HAO1: variants seen among roughly 807,000 people sequenced by gnomAD.
HAO1 encodes hydroxyacid oxidase 1, also known as 2-Hydroxyacid oxidase 1.
Under a neutral mutation model 39.7 loss-of-function variants are expected in HAO1, and 34 were observed. The ratio of observed to expected loss-of-function variants is 0.86; its 90% CI spans 0.65 to 1.14. HAO1 has a LOEUF of 1.14. Ranked by LOEUF, HAO1 falls within the 50% of genes most tolerant of loss-of-function variation. HAO1 has a pLI of 0.00. For synonymous variants in HAO1, 172 were observed against 173.2 expected (o/e 0.99, Z 0.05); for missense variants, 479 against 464.5 (o/e 1.03, Z -0.29).
intron 2 of HAO1, among the ~76,000 whole-genome samples, chr20:7,917,119 C>A (rs1568516660): frequency 6.6e-6 from 1 of 152,020 alleles, no homozygotes; most frequent in Non-Finnish European, 1.5e-5. Context: ...GTAGGCAGAT[C>A]CCTTGAGGTC....
chr20:7,922,265 T>C (rs181211910), intron 2 of HAO1, among the ~76,000 whole-genome samples: 1 of 152,218 alleles, frequency 6.6e-6, no homozygotes, highest in African/African-American at 2.4e-5. Context: ...CTCCAACTGT[T>C]AGAATGGTTA....
chr20:7,906,926 C>T (rs992238709), intron 3 of HAO1, among the ~76,000 whole-genome samples: 1 of 152,218 alleles, frequency 6.6e-6, no homozygotes, highest in Non-Finnish European at 1.5e-5. Context: ...TCTCTTTGCT[C>T]AGATCTCAGT....
chr20:7,895,084 A>G, intron 5 of HAO1, 49 bp downstream of exon 5: 1 of 1,124,686 alleles, frequency 8.9e-7, no homozygotes, highest in Non-Finnish European at 1.4e-6. Context: ...TAACACAGTG[A>G]TGGAAATGGG....
In HAO1 at chr20:7,940,342, G is replaced by T. The variant is rs2050435277; in HGVS notation, c.81C>A (p.Tyr27Ter). Residue 27 changes from tyrosine (Y) to a stop codon, truncating the protein, a stop_gained, in exon 1 of 8, where the codon TAC becomes TAA. Coordinates refer to ENST00000378789, the MANE Select transcript of HAO1 (RefSeq NM_017545.3). LOFTEE classifies it high-confidence loss of function. ...TTTCTTCATCATTTGCCCCAGACCT[G>T]TAATAGTCATATATAGACTTTGGAA... Reference protein sequence around the residue: ...SVLPKSIYDYYRSGANDEETL... With the variant: ...SVLPKSIYDY 1 of 1,610,980 alleles carries T rather than the reference G, an allele frequency of 6.2e-7. No homozygotes were observed. The highest frequency in any genetic ancestry group is 1.3e-5 in the African/African-American group (1 of 74,742).
In HAO1 at chr20:7,934,229, A is replaced by G. The variant is rs536383337; in HGVS notation, c.289+255T>C. Among the ~76,000 whole-genome samples the G allele has an allele frequency of 5.3e-5, 8 of 152,266 alleles. No homozygotes were observed. In the South Asian group the frequency reaches 1.2e-3, roughly 24 times the overall value. ...CTCATTCAATTCTCACCATAACCCA[A>G]TGAGGCAGGTACAATTTTTGTCCCT... On this transcript the variant is annotated intron_variant, in intron 2 of 7. Coordinates refer to ENST00000378789, the MANE Select transcript of HAO1 (RefSeq NM_017545.3).
chr20:7,930,647 A>G (rs1286544841), intron 2 of HAO1, among the ~76,000 whole-genome samples: 1 of 152,190 alleles, frequency 6.6e-6, no homozygotes, highest in African/African-American at 2.4e-5. Flanking sequence ...CTCAGGGGGC[A>G]ACTGGGACTC....
chr20:7,888,005 T>C (rs1384056702), intron 5 of HAO1, among the ~76,000 whole-genome samples: 4 of 152,172 alleles, frequency 2.6e-5, no homozygotes, highest in Non-Finnish European at 4.4e-5. Flanking sequence ...GTTATGTCCC[T>C]GTTTATGTTT....
intron 2 of HAO1, among the ~76,000 whole-genome samples, chr20:7,921,647 G>A (rs1180779491): frequency 1.3e-5 from 2 of 151,986 alleles, no homozygotes; most frequent in Admixed American, 6.6e-5. Flanking sequence ...AAAGAGACAC[G>A]TGCACCTGCA....
intron 2 of HAO1, among the ~76,000 whole-genome samples, chr20:7,917,065 G>A (rs1001478334): frequency 6.6e-6 from 1 of 152,094 alleles, no homozygotes; most frequent in African/African-American, 2.4e-5. Flanking sequence ...CCTGGCCAGG[G>A]TTGGTGGCTC....
chr20:7,914,796 A>G (rs1279672615), intron 2 of HAO1, among the ~76,000 whole-genome samples: 1 of 152,192 alleles, frequency 6.6e-6, no homozygotes, highest in Non-Finnish European at 1.5e-5. Flanking sequence ...TGTAGGTCAT[A>G]TATAAAATGA....
chr20:7,939,353 G>C (rs2050429710), intron 1 of HAO1, among the ~76,000 whole-genome samples: 1 of 152,100 alleles, frequency 6.6e-6, no homozygotes, highest in Non-Finnish European at 1.5e-5. Flanking sequence ...CCTTGGCCAG[G>C]ATAATTTTAT....
At chr20:7,927,905 C>G (rs2050366846) in intron 2 of HAO1, among the ~76,000 whole-genome samples, 2 of 152,120 alleles carry the variant, frequency 1.3e-5, no homozygotes, top group African/African-American at 4.8e-5. Context: ...CTCTCTAAGC[C>G]TCGATTTCCA....
At chr20:7,907,882 T>C (rs1426422570) in intron 3 of HAO1, among the ~76,000 whole-genome samples, 1 of 152,148 alleles carries the variant, frequency 6.6e-6, no homozygotes, top group Non-Finnish European at 1.5e-5. Context: ...CCAAATTCAG[T>C]TGCAAACTTC....
In HAO1 at chr20:7,885,617, A is replaced by G. The variant is rs779130507; in HGVS notation, c.973-27T>C. 3 of 1,571,912 alleles carry G rather than the reference A, an allele frequency of 1.9e-6. No individual in the cohort carries two copies. The South Asian group carries it at 3.3e-5, about 17-fold the overall frequency. ...TAACCAAGTGAAAAGATACAGAGTGATTCAGAACTAAATCAGTCTGACTTG... is the reference window on the plus strand; with the variant it reads ...TAACCAAGTGAAAAGATACAGAGTGGTTCAGAACTAAATCAGTCTGACTTG... On this transcript the variant is annotated intron_variant, in intron 6 of 7. Transcript: ENST00000378789.
At chr20:7,922,417 T>C (rs1236721870) in intron 2 of HAO1, among the ~76,000 whole-genome samples, 2 of 152,120 alleles carry the variant, frequency 1.3e-5, no homozygotes, top group East Asian at 3.9e-4. Flanking sequence ...TCTTCTACAA[T>C]GATTTTGATG....
chr20:7,931,424 C>G (rs61134939), intron 2 of HAO1, among the ~76,000 whole-genome samples: 1,527 of 152,226 alleles, frequency 0.01, 25 homozygotes, highest in African/African-American at 0.033. Context: ...ATTCTGGAGA[C>G]AGAATACCTC....
chr20:7,891,806 C>A (rs1174640509), intron 5 of HAO1, among the ~76,000 whole-genome samples: 1 of 152,140 alleles, frequency 6.6e-6, no homozygotes. Context: ...CCCTTAAAAT[C>A]TAGTTAGATT....
intron 2 of HAO1, among the ~76,000 whole-genome samples, chr20:7,916,641 A>T (rs2050308246): frequency 6.6e-6 from 1 of 152,228 alleles, no homozygotes; most frequent in South Asian, 2.1e-4. Context: ...TTTAAATAGT[A>T]CCATAGCCAT....
At chr20:7,884,037 T>C (rs1160022969) in intron 7 of HAO1, among the ~76,000 whole-genome samples, 3 of 152,178 alleles carry the variant, frequency 2.0e-5, no homozygotes, top group African/African-American at 4.8e-5. Flanking sequence ...ACCATTTATC[T>C]GGGGAGTTTT....
Sources: allele counts gnomAD v4.1 joint callset (sites outside exome capture counted in the v4.1 genomes callset), GRCh38; gene constraint gnomAD v4.1.1; transcripts MANE v1.5; gene names NCBI Gene and HGNC (gene_info 2026-07-23, HGNC 2026-07-21).